SSX7: variants seen among roughly 807,000 people sequenced by gnomAD.
SSX7 encodes SSX family member 7.
In SSX7, 15 loss-of-function variants were observed where a neutral mutation model predicts 14.7. That is an observed-to-expected ratio of 1.02 (90% confidence interval 0.68 to 1.58). The LOEUF (loss-of-function observed/expected upper bound fraction) is 1.58, where lower values mean the gene tolerates loss of function less well. Among genes scored for constraint, SSX7 ranks in the 40% most tolerant of loss-of-function variants. SSX7 has a pLI of 0.00. For missense variants in SSX7, 178 were observed against 146.8 expected, an observed-to-expected ratio of 1.21 and a Z score of -1.10; for synonymous variants, 46 against 50.6, an observed-to-expected ratio of 0.91 and a Z score of 0.38.
Position 52,646,342 on chromosome X carries a change from C to T in SSX7, c.467-799G>A, listed in dbSNP as rs1262950395. ...CCTCCCAAAGTGCTGGGATCACAGG[C>T]GTGAGCCACGGCGCCCGTCCGTGTT... On this transcript the variant is annotated intron_variant, in intron 6 of 7. Transcript: ENST00000298181. Among the ~76,000 whole-genome samples the T allele has an allele frequency of 4.4e-5, 5 of 112,625 alleles. No individual in the cohort carries two copies. In the East Asian group the frequency reaches 1.1e-3, roughly 25 times the overall value.
intron 2 of SSX7, 81 bp from the exon 3 acceptor site, chrX:52,653,065 C>G: frequency 8.5e-7 from 1 of 1,178,582 alleles, no homozygotes; most frequent in Non-Finnish European, 1.1e-6. Flanking sequence ...TTCCTGTGTG[C>G]TGGATCTGGG....
Position 52,648,385 on chromosome X carries a change from C to G in SSX7, c.342G>C (p.Lys114Asn), listed in dbSNP as rs1392453502. The change falls in exon 6 of 8, where the codon AAG (lysine) becomes AAC (asparagine). Residue 114 changes from lysine (K) to asparagine (N), a missense_variant. By Grantham distance (94) the Lys-to-Asn change is moderately conservative (BLOSUM62 0). Coordinates refer to ENST00000298181, the MANE Select transcript of SSX7 (RefSeq NM_173358.2). ...AATCATTTCCTTCCTCTGCTGGCTT[C>G]TTGGGCATGATCTTTATAATGTGAA... ...LQRIFPKIMP[K>N]KPAEEGNDSK... The G allele has an allele frequency of 8.3e-7, 1 of 1,209,908 alleles. No individual in the cohort carries two copies. The highest frequency in any genetic ancestry group is 1.1e-6 in the Non-Finnish European group (1 of 895,198).
At chrX:52,646,103 G>A (rs1469562934) in intron 6 of SSX7, among the ~76,000 whole-genome samples, 3 of 109,998 alleles carry the variant, frequency 2.7e-5, no homozygotes, top group Non-Finnish European at 5.7e-5. Context: ...TCGCTCTGTC[G>A]CCCAGACTGG....
Position 52,651,279 on chromosome X carries a change from T to C in SSX7, c.281-877A>G, listed in dbSNP as rs782623415. Among the ~76,000 whole-genome samples the C allele has an allele frequency of 1.4e-3, 161 of 111,958 alleles. 5 individuals carry two copies. The highest frequency in any genetic ancestry group is 2.4e-3 in the Admixed American group (25 of 10,506). On this transcript the variant is annotated intron_variant, in intron 4 of 7. Transcript: ENST00000298181. ...AGAAACAGCGATCTTTATTACATAA[T>C]GTGTTCATCATCCTCACTCCTAAGA...
Position 52,645,466 on chromosome X carries a change from C to T in SSX7, c.544G>A (p.Asp182Asn), listed in dbSNP as rs5986182. 31,385 of 1,197,925 alleles carry T rather than the reference C, an allele frequency of 0.026. 329 individuals carry two copies. The highest frequency in any genetic ancestry group is 0.068 in the Middle Eastern group (210 of 3,077). ...AGTTACTCGTCGTCTTCTTCAGGGT[C>T]GCTGATCTCTTCATAAATCACCAGC... ...KQLVIYEEIS[D>N]PEEDDE is the part of the protein sequence containing the mutation. Residue 182 changes from aspartate to asparagine, a missense_variant, in exon 7 of 8, where the codon GAC becomes AAC. By Grantham distance (23) the Asp-to-Asn change is conservative. Coordinates refer to ENST00000298181, the MANE Select transcript of SSX7 (RefSeq NM_173358.2).
chrX:52,647,051 A>G (rs1337770757), intron 6 of SSX7, among the ~76,000 whole-genome samples: 4 of 112,649 alleles, frequency 3.6e-5, no homozygotes, highest in Non-Finnish European at 7.5e-5. Context: ...TCAAATAGAG[A>G]AAGTTTGAGT....
At chrX:52,647,789 AC>A (rs1161780745) in intron 6 of SSX7, among the ~76,000 whole-genome samples, 3 of 112,157 alleles carry the variant, frequency 2.7e-5, no homozygotes, top group African/African-American at 9.7e-5. Context: ...GCACTGCTAA[AC>A]CAAAAAAACA....
Position 52,653,039 on chromosome X carries a change from A to G in SSX7, c.70-55T>C, listed in dbSNP as rs1373932713. On this transcript the variant is annotated intron_variant, in intron 2 of 7. Transcript: ENST00000298181. Reference sequence around the variant, plus strand: ...AGTGACTCAGCTAGACATGTCTGCCATTCAGCTGGAGCCCCTTCCTGTGTG... The same window carrying G: ...AGTGACTCAGCTAGACATGTCTGCCGTTCAGCTGGAGCCCCTTCCTGTGTG... The G allele has an allele frequency of 9.3e-6, 11 of 1,184,543 alleles. No homozygotes were observed. In the African/African-American group the frequency reaches 1.6e-4, roughly 17 times the overall value.
rs375271254 is a variant in SSX7 at position 52,653,477 on chromosome X, C to T, written c.-5G>A. The T allele has an allele frequency of 5.0e-6, 6 of 1,209,462 alleles. No individual in the cohort carries two copies. Among genetic ancestry groups the T allele is most frequent in the South Asian group, 1.8e-5 (1 of 56,738 alleles). On this transcript the variant is annotated 5_prime_UTR_variant, in exon 2 of 8. The change creates a new upstream start codon in the 5' untranslated region. Coordinates refer to ENST00000298181, the MANE Select transcript of SSX7 (RefSeq NM_173358.2). ...AAAGGCGTCGTCTCCGTTCATGGCA[C>T]CAGGAGCAGTCTGACCTGCAAGAGA...
chrX:52,647,465 C>CA (rs1483679505), intron 6 of SSX7, among the ~76,000 whole-genome samples: 1 of 112,050 alleles, frequency 8.9e-6, no homozygotes, highest in Non-Finnish European at 1.9e-5. Context: ...AAATGCTGTC[C>CA]ATAGCATCAC....
At chrX:52,653,798 T>G (rs1166346878) in intron 1 of SSX7, among the ~76,000 whole-genome samples, 2 of 110,730 alleles carry the variant, frequency 1.8e-5, no homozygotes, top group African/African-American at 3.3e-5. Flanking sequence ...CTCTGAAAGA[T>G]GTACAGACCC....
Position 52,648,288 on chromosome X carries a change from T to C in SSX7, c.439A>G (p.Thr147Ala), listed in dbSNP as rs1556766578. Reference sequence around the variant, plus strand: ...GATGTCTTGTTAATCTTCTCAGAGGTACTTGGTTTTCCTGGAGGGCACAGG... The same window carrying C: ...GATGTCTTGTTAATCTTCTCAGAGGCACTTGGTTTTCCTGGAGGGCACAGG... ...KHLCPPGKPS[T>A]SEKINKTSGP... The change falls in exon 6 of 8, where the codon ACC becomes GCC. Residue 147 changes from threonine to alanine, a missense_variant. Physicochemically the swap from Thr to Ala is moderately conservative, Grantham distance 58. Transcript: ENST00000298181. 4 of 1,211,162 alleles carry C rather than the reference T, an allele frequency of 3.3e-6. No individual in the cohort carries two copies. The highest frequency in any genetic ancestry group is 3.5e-5 in the African/African-American group (2 of 57,786).
At chrX:52,653,576 C>T (rs1925510945) in intron 1 of SSX7, 84 bp from the exon 2 acceptor site, 2 of 1,090,359 alleles carry the variant, frequency 1.8e-6, no homozygotes, top group Non-Finnish European at 2.5e-6. Context: ...CGGCCACCCT[C>T]AGTCACCTGG....
Position 52,652,207 on chromosome X carries a change from G to A in SSX7, c.280+45C>T, listed in dbSNP as rs373042194. ...TCCCAAGTAGCTGAGCTGAAAAGCA[G>A]CTGGGCTTGAGGAGACCCTTTCCAG... is the stretch of plus-strand genomic sequence containing the variant. On this transcript the variant is annotated intron_variant, in intron 4 of 7. Coordinates refer to ENST00000298181, the MANE Select transcript of SSX7 (RefSeq NM_173358.2). 195 of 1,036,039 alleles carry A rather than the reference G, an allele frequency of 1.9e-4. 1 individual carries two copies. In the South Asian group the frequency reaches 2.8e-3, roughly 15 times the overall value. The allele number at this position is 1,036,039 out of a possible 1,213,427, so 85.4% of individuals were successfully genotyped here.
At chrX:52,646,609 G>A (rs1166084361) in intron 6 of SSX7, among the ~76,000 whole-genome samples, 1 of 111,485 alleles carries the variant, frequency 9.0e-6, no homozygotes, top group African/African-American at 3.3e-5. Context: ...TGGGTACCAG[G>A]AACTGCACCC....
chrX:52,651,216 T>A (rs1196888894), intron 4 of SSX7, among the ~76,000 whole-genome samples: 1 of 111,818 alleles, frequency 8.9e-6, no homozygotes, highest in East Asian at 2.8e-4. Flanking sequence ...CAGGGTTCTT[T>A]GGGAATGAAA....
intron 6 of SSX7, among the ~76,000 whole-genome samples, chrX:52,645,922 C>T (rs1432221882): frequency 2.7e-5 from 3 of 110,868 alleles, no homozygotes; most frequent in African/African-American, 9.8e-5. Context: ...TTTGGAAACT[C>T]TCATCAATTT....
At chrX:52,652,675 A>G (rs1243999115) in intron 3 of SSX7, among the ~76,000 whole-genome samples, 195 bp downstream of exon 3, 1 of 110,682 alleles carries the variant, frequency 9.0e-6, no homozygotes, top group Non-Finnish European at 1.9e-5. Flanking sequence ...TCCAGGTATG[A>G]GCTCCACTGT....
chrX:52,648,262 G>A lies in SSX7; in HGVS notation c.465C>T (p.Ser155=), dbSNP rs782421121. The A allele has an allele frequency of 2.3e-5, 28 of 1,207,084 alleles. No individual in the cohort carries two copies. Among genetic ancestry groups the A allele is most frequent in the Admixed American group, 2.0e-4 (9 of 45,401 alleles). The change falls in exon 6 of 8, where the codon TCC becomes TCT. Residue 155 remains serine, a splice_region_variant and synonymous_variant. Transcript: ENST00000298181. ...PSTSEKINKT[S]GPKRGKHAWT... is the part of the protein sequence containing the mutation. Reference sequence around the variant, plus strand: ...TGTTCCCGAATTCTTTCCTCTTACCGGATGTCTTGTTAATCTTCTCAGAGG... The same window carrying A: ...TGTTCCCGAATTCTTTCCTCTTACCAGATGTCTTGTTAATCTTCTCAGAGG...
Sources: gnomAD v4.1 joint callset for allele counts (sites outside exome capture counted in the v4.1 genomes callset) on GRCh38, gnomAD v4.1.1 for gene constraint, MANE v1.5 for transcripts, NCBI Gene and HGNC (gene_info 2026-07-23, HGNC 2026-07-21) for gene names.